The following C3 variants were observed in gnomAD, a reference collection of about 807,000 sequenced individuals.
C3 encodes the protein C3 and PZP-like alpha-2-macroglobulin domain-containing protein 1.
Under a neutral mutation model 207.9 loss-of-function variants are expected in C3, and 97 were observed. The observed-to-expected ratio is 0.47, with a 90% CI of 0.40 to 0.55. The LOEUF is 0.55. Ranked by LOEUF, C3 falls within the 20% of genes least tolerant of loss-of-function variation. The probability of loss-of-function intolerance (pLI) is 0.00; values close to 1 mark genes in which losing one functional copy is unlikely to be tolerated. For synonymous variants in C3, 848 were observed against 857.6 expected, an observed-to-expected ratio of 0.99 and a Z score of 0.20; for missense variants, 1,684 against 2,171.7, an observed-to-expected ratio of 0.78 and a Z score of 4.46.
At chr19:6,708,133 A>T (rs1967822777) in intron 14 of C3, among the ~76,000 whole-genome samples, 1 of 148,338 alleles carries the variant, frequency 6.7e-6, no homozygotes, top group African/African-American at 2.5e-5. Context: ...TCTCTTTCTC[A>T]CTCTCTCTCT....
At chr19:6,692,401 T>G (rs1196627740) in intron 26 of C3, among the ~76,000 whole-genome samples, 15 of 152,154 alleles carry the variant, frequency 9.9e-5, no homozygotes, top group Non-Finnish European at 2.9e-5. Context: ...TTCTAAGAAC[T>G]GATCCAGCTG....
chr19:6,695,435 A>G (rs979451580), intron 23 of C3, among the ~76,000 whole-genome samples: 8 of 152,138 alleles, frequency 5.3e-5, no homozygotes, highest in Non-Finnish European at 1.2e-4. Context: ...AATGACCTCC[A>G]GAATTTCTGC....
chr19:6,678,107 C>T (rs763838624), intron 40 of C3, 45 bp downstream of exon 40: 25 of 1,613,820 alleles, frequency 1.5e-5, no homozygotes, highest in African/African-American at 4.0e-5. Flanking sequence ...GTGGCATGGG[C>T]GGGGCAGTCG....
In C3 at chr19:6,714,230, G is replaced by C; in HGVS notation, c.618C>G (p.Ile206Met). The C allele has an allele frequency of 6.2e-7, 1 of 1,613,888 alleles. No homozygotes were observed. The highest frequency in any genetic ancestry group is 8.5e-7 in the Non-Finnish European group (1 of 1,179,984). ...PELVNMGQWKIRAYYENSPQQ... is the reference protein window; with the variant it reads ...PELVNMGQWKMRAYYENSPQQ... Reference sequence around the variant, plus strand: ...GTGGTGAGTTTTCATAGTAGGCTCGGATCTTCCACTGGCCCATGCTGTGAG... The same window carrying C: ...GTGGTGAGTTTTCATAGTAGGCTCGCATCTTCCACTGGCCCATGCTGTGAG... The change falls in exon 6 of 41, where the codon ATC (isoleucine) becomes ATG (methionine). Residue 206 changes from isoleucine to methionine, a missense_variant. This residue lies in a region of C3 where 1,280 missense variants were observed against 1,739.1 expected (regional missense o/e 0.74). Transcript: ENST00000245907.
chr19:6,680,114 G>A (rs1448453080), intron 36 of C3, 44 bp downstream of exon 36: 2 of 1,036,118 alleles, frequency 1.9e-6, no homozygotes, highest in African/African-American at 3.1e-5. Context: ...GGACTCTCAG[G>A]CCCCTGGAAC....
At chr19:6,681,146 T>C (rs1221557113) in intron 35 of C3, among the ~76,000 whole-genome samples, 2 of 151,850 alleles carry the variant, frequency 1.3e-5, no homozygotes, top group African/African-American at 4.8e-5. Flanking sequence ...ATCTCAGCAC[T>C]TTAGGAGGCT....
In C3 at chr19:6,693,019, C is replaced by T; in HGVS notation, c.3295G>A (p.Val1099Ile). Residue 1099 changes from valine (V) to isoleucine (I), a missense_variant, in exon 26 of 41, where the codon GTC (valine) becomes ATC (isoleucine). Physicochemically the swap from Val to Ile is conservative, Grantham distance 29. Transcript: ENST00000245907. ...AVNLIAIDSQ[V>I]LCGAVKWLIL... ...AGCCATTTAACAGCCCCGCAGAGGACTTGGGAGTCGATGGCGATGAGGTTG... is the reference window on the plus strand; with the variant it reads ...AGCCATTTAACAGCCCCGCAGAGGATTTGGGAGTCGATGGCGATGAGGTTG... 6.2e-7 allele frequency: 1 copy of T among 1,614,158 alleles called. No individual in the cohort carries two copies. Among genetic ancestry groups the T allele is most frequent in the Admixed American group, 1.7e-5 (1 of 60,024 alleles).
intron 27 of C3, among the ~76,000 whole-genome samples, chr19:6,689,360 C>T (rs13345176): frequency 0.15 from 2,410 of 16,330 alleles, 315 homozygotes; most frequent in African/African-American, 0.21. Context: ...TCCCTCCCTC[C>T]CTCTCTCTCT....
chr19:6,691,786 AC>A (rs1918173316), intron 26 of C3, among the ~76,000 whole-genome samples: 1 of 152,038 alleles, frequency 6.6e-6, no homozygotes, highest in Non-Finnish European at 1.5e-5. Context: ...GGAGTTCAAG[AC>A]CAGCCTGGCC....
intron 6 of C3, 37 bp downstream of exon 6, chr19:6,714,129 C>G (rs1568227030): frequency 6.2e-7 from 1 of 1,611,542 alleles, no homozygotes; most frequent in Non-Finnish European, 8.5e-7. Flanking sequence ...GCCAGGCGTT[C>G]TGGGCACTGA....
chr19:6,713,543 C>A (rs745439214), intron 7 of C3, 34 bp from the exon 8 acceptor site: 1 of 1,515,856 alleles, frequency 6.6e-7, no homozygotes, highest in South Asian at 1.1e-5. Flanking sequence ...TCAGGTCCAT[C>A]CCTCCTGGAG....
chr19:6,717,427 T>A (rs1447522020), intron 4 of C3: 1 of 171,504 alleles, frequency 5.8e-6, no homozygotes, highest in Non-Finnish European at 1.3e-5. Flanking sequence ...TGTGTGTGTG[T>A]GTGTGCGCGC....
intron 17 of C3, among the ~76,000 whole-genome samples, chr19:6,705,846 G>T (rs1967763520): frequency 6.6e-6 from 1 of 151,692 alleles, no homozygotes; most frequent in Non-Finnish European, 1.5e-5. Context: ...GGCTATTTTT[G>T]CATTTTTAGT....
chr19:6,702,258 G>C, intron 18 of C3, 46 bp from the exon 19 acceptor site: 8 of 1,241,798 alleles, frequency 6.4e-6, no homozygotes, highest in Non-Finnish European at 9.4e-6. Context: ...CATCTAGCAG[G>C]GTGGTAGAGG....
intron 4 of C3, among the ~76,000 whole-genome samples, chr19:6,715,623 T>G (rs998895186): frequency 1.8e-4 from 26 of 148,346 alleles, no homozygotes; most frequent in Non-Finnish European, 3.3e-4. Flanking sequence ...TTTTTTGTTT[T>G]TTTTGTTTTT....
intron 16 of C3, 27 bp from the exon 17 acceptor site, chr19:6,707,300 C>T (rs1356127488): frequency 1.2e-6 from 2 of 1,603,574 alleles, no homozygotes; most frequent in South Asian, 1.1e-5. Flanking sequence ...TCCCCCAGGC[C>T]ACACCCTCAG....
rs115051330 is a variant in C3, at chr19:6,717,242, G to A, written c.504+852C>T. 759 of 153,690 alleles carry A rather than the reference G, an allele frequency of 4.9e-3. 3 individuals carry two copies. The highest frequency in any genetic ancestry group is 7.1e-3 in the African/African-American group (296 of 41,556). 9.5% of individuals were successfully genotyped at this position (153,690 alleles called of 1,614,324 possible). A position where few individuals can be genotyped will look rare whatever the true frequency, so the allele number is the denominator to read the frequency against. On this transcript the variant is annotated intron_variant, in intron 4 of 40. Transcript: ENST00000245907. ...TGCTCACAGGCGTCCTCTGGCTGCCGTCGGTAGAATAGATGACATACAATT... is the reference window on the plus strand; with the variant it reads ...TGCTCACAGGCGTCCTCTGGCTGCCATCGGTAGAATAGATGACATACAATT...
intron 25 of C3, 61 bp downstream of exon 25, chr19:6,693,351 G>A (rs1188231009): frequency 2.7e-6 from 4 of 1,508,034 alleles, no homozygotes; most frequent in Admixed American, 1.9e-5. Flanking sequence ...CCAGGGTCCG[G>A]GCCCTGCTGG....
intron 24 of C3, 74 bp downstream of exon 24, chr19:6,694,357 T>C (rs1918252735): frequency 1.5e-6 from 2 of 1,358,760 alleles, no homozygotes; most frequent in South Asian, 2.3e-5. Context: ...GGTCTTGAGA[T>C]GAGGTGGGAT....
Sources: gnomAD v4.1 joint callset for allele counts (sites outside exome capture counted in the v4.1 genomes callset) on GRCh38, gnomAD v4.1.1 for gene constraint, gnomAD v4.1.1 regional missense constraint, MANE v1.5 for transcripts, NCBI Gene and HGNC (gene_info 2026-07-23, HGNC 2026-07-21) for gene names.